The following SUPT3H variants were observed in gnomAD, a reference collection of about 807,000 sequenced individuals.
The protein encoded by SUPT3H is SPT3 homolog, SAGA and STAGA complex component.
Under a neutral mutation model 44.3 loss-of-function variants are expected in SUPT3H, and 44 were observed. The observed-to-expected ratio is 0.99, with a 90% CI of 0.78 to 1.28. The LOEUF (loss-of-function observed/expected upper bound fraction) is 1.28. Among genes scored for constraint, SUPT3H ranks in the 50% most tolerant of loss-of-function variants. The pLI, the probability that SUPT3H is intolerant of heterozygous loss-of-function variation, is 0.00. For missense variants in SUPT3H, 380 were observed against 387.1 expected, an observed-to-expected ratio of 0.98 and a Z score of 0.15; for synonymous variants, 124 against 125.6, an observed-to-expected ratio of 0.99 and a Z score of 0.09.
chr6:45,082,579 T>C (rs762396091), intron 3 of SUPT3H, among the ~76,000 whole-genome samples: 1 of 152,098 alleles, frequency 6.6e-6, no homozygotes, highest in African/African-American at 2.4e-5. Context: ...GAAAGAGCTC[T>C]CAGTAAAATC....
At chr6:45,156,690 G>A (rs1187852547) in intron 2 of SUPT3H, among the ~76,000 whole-genome samples, 2 of 151,572 alleles carry the variant, frequency 1.3e-5, no homozygotes, top group Non-Finnish European at 2.9e-5. Context: ...AGTATAACAA[G>A]AAATGAGTTT....
intron 2 of SUPT3H, among the ~76,000 whole-genome samples, chr6:45,240,749 C>T (rs183342405): frequency 5.3e-4 from 80 of 152,256 alleles, no homozygotes; most frequent in African/African-American, 1.5e-3. Flanking sequence ...GTAAAAAATA[C>T]GGCAAGTTCC....
chr6:45,120,810 T>C (rs762022047), intron 2 of SUPT3H, among the ~76,000 whole-genome samples: 4 of 152,312 alleles, frequency 2.6e-5, no homozygotes, highest in East Asian at 1.9e-4. Context: ...GGGAACTCCA[T>C]AGTGTCTTTA....
chr6:44,959,073 A>T (rs12191977), intron 7 of SUPT3H, among the ~76,000 whole-genome samples: 7 of 151,742 alleles, frequency 4.6e-5, no homozygotes, highest in Non-Finnish European at 8.8e-5. Context: ...TATTTTTAGT[A>T]GAGACAGGGT....
chr6:44,870,317 C>G (rs1407920957), intron 10 of SUPT3H, among the ~76,000 whole-genome samples: 1 of 152,138 alleles, frequency 6.6e-6, no homozygotes, highest in Non-Finnish European at 1.5e-5. Context: ...TGTATGTCGG[C>G]CAGGCGTGGT....
At position 44,834,207 on chromosome 6, in the gene SUPT3H, A is replaced by G. The variant is rs146976837; in HGVS notation, c.913-4350T>C. Among the ~76,000 whole-genome samples the G allele has an allele frequency of 1.4e-3, 211 of 152,310 alleles. 1 individual carries two copies. Among genetic ancestry groups the G allele is most frequent in the African/African-American group, 4.8e-3 (198 of 41,572 alleles). On this transcript the variant is annotated intron_variant, in intron 10 of 10. Coordinates refer to ENST00000371459, the MANE Select transcript of SUPT3H (RefSeq NM_003599.4). ...ATGAGGAGATCATTAACAGGACCCA[A>G]TAATGGTTTCGTCAATAAATGGAAC...
intron 3 of SUPT3H, among the ~76,000 whole-genome samples, chr6:45,045,051 G>A (rs1189764377): frequency 6.6e-6 from 1 of 152,056 alleles, no homozygotes; most frequent in East Asian, 1.9e-4. Context: ...TACCCACTAT[G>A]TCACTGAAAA....
intron 6 of SUPT3H, among the ~76,000 whole-genome samples, chr6:45,003,168 T>C (rs1331773772): frequency 6.6e-6 from 1 of 152,164 alleles, no homozygotes; most frequent in African/African-American, 2.4e-5. Flanking sequence ...ACTAATTTTG[T>C]CTTGCAGTGA....
chr6:45,331,921 GT>G (rs1158249636), intron 2 of SUPT3H, among the ~76,000 whole-genome samples: 2 of 151,918 alleles, frequency 1.3e-5, no homozygotes, highest in African/African-American at 4.8e-5. Flanking sequence ...AAATGTTCCA[GT>G]TTGTTAAAAG....
At chr6:45,165,309 T>C (rs1809659290) in intron 2 of SUPT3H, among the ~76,000 whole-genome samples, 1 of 152,198 alleles carries the variant, frequency 6.6e-6, no homozygotes, top group Admixed American at 6.5e-5. Flanking sequence ...GTACTAAAAA[T>C]GAATGTAGCA....
At chr6:45,215,246 T>C (rs528204091) in intron 2 of SUPT3H, among the ~76,000 whole-genome samples, 2 of 152,156 alleles carry the variant, frequency 1.3e-5, no homozygotes, top group East Asian at 1.9e-4. Flanking sequence ...ATTGTCCCAC[T>C]AGATTTACAG....
intron 5 of SUPT3H, among the ~76,000 whole-genome samples, chr6:45,004,866 C>T (rs774236833): frequency 2.0e-5 from 3 of 152,148 alleles, no homozygotes; most frequent in Admixed American, 6.6e-5. Context: ...TGGTACAGCC[C>T]TGATTCCTTC....
Position 45,372,346 on chromosome 6 carries a change from T to G in SUPT3H, c.-1+5422A>C, listed in dbSNP as rs117890376. On this transcript the variant is annotated intron_variant, in intron 1 of 10. Transcript: ENST00000371459. ...TTTAGTTCATGCTGATGATGATGAT[T>G]AACTCATGCAAAAGCATAGCTTCTT... is the stretch of plus-strand genomic sequence containing the variant. 5.1e-4 allele frequency among the ~76,000 whole-genome samples: 78 copies of G among 152,330 alleles called. No homozygotes were observed. In the East Asian group the frequency reaches 6.8e-3, roughly 13 times the overall value.
At chr6:45,181,281 G>A (rs1407660087) in intron 2 of SUPT3H, among the ~76,000 whole-genome samples, 2 of 148,736 alleles carry the variant, frequency 1.3e-5, no homozygotes, top group East Asian at 2.0e-4. Context: ...CTGTAAACTA[G>A]TTCAACCATT....
intron 10 of SUPT3H, among the ~76,000 whole-genome samples, chr6:44,888,161 T>C (rs1275326096): frequency 1.3e-5 from 2 of 152,142 alleles, no homozygotes; most frequent in South Asian, 2.1e-4. Context: ...ACCAGAAGGA[T>C]TCACAGCCGA....
intron 7 of SUPT3H, among the ~76,000 whole-genome samples, chr6:44,957,299 T>C (rs1775359801): frequency 6.6e-6 from 1 of 152,160 alleles, no homozygotes; most frequent in Non-Finnish European, 1.5e-5. Flanking sequence ...TATCGAAGCA[T>C]ATACCCAAAG....
At chr6:45,128,692 C>CTG (rs1554258028) in intron 2 of SUPT3H, among the ~76,000 whole-genome samples, 1 of 141,128 alleles carries the variant, frequency 7.1e-6, no homozygotes, top group Non-Finnish European at 1.5e-5. Flanking sequence ...TTAAAAGATT[C>CTG]TTTTTTTTTT....
At chr6:45,131,872 T>C (rs1002647693) in intron 2 of SUPT3H, among the ~76,000 whole-genome samples, 1 of 152,166 alleles carries the variant, frequency 6.6e-6, no homozygotes, top group Admixed American at 6.6e-5. Context: ...ATAGCCCCCC[T>C]TCATTCATGG....
intron 2 of SUPT3H, among the ~76,000 whole-genome samples, chr6:45,287,528 T>C (rs1779523159): frequency 6.6e-6 from 1 of 152,186 alleles, no homozygotes; most frequent in East Asian, 1.9e-4. Context: ...ATGATTCTAC[T>C]TATAGGAGTG....
Sources: allele counts gnomAD v4.1 joint callset (sites outside exome capture counted in the v4.1 genomes callset), GRCh38; gene constraint gnomAD v4.1.1; transcripts MANE v1.5; gene names NCBI Gene and HGNC (gene_info 2026-07-23, HGNC 2026-07-21).